CASK: variants seen among roughly 807,000 people sequenced by gnomAD.
CASK encodes the protein peripheral plasma membrane protein CASK.
Under a neutral mutation model 82.9 loss-of-function variants are expected in CASK, and 4 were observed. The observed-to-expected ratio is 0.05, with a 90% CI of 0.02 to 0.11. The LOEUF is 0.11. CASK is among the 10% of genes least tolerant of loss of function. CASK has a pLI of 1.00. For missense variants in CASK, 358 were observed against 720.9 expected, an observed-to-expected ratio of 0.50 and a Z score of 5.76; for synonymous variants, 259 against 253.5, an observed-to-expected ratio of 1.02 and a Z score of -0.20.
At chrX:41,640,767 TG>T (rs1480880913) in intron 8 of CASK, among the ~76,000 whole-genome samples, 1 of 111,506 alleles carries the variant, frequency 9.0e-6, no homozygotes, top group African/African-American at 3.3e-5. Flanking sequence ...ATTGCAAATA[TG>T]TTTAAGTTTA....
intron 5 of CASK, among the ~76,000 whole-genome samples, chrX:41,705,174 T>G (rs766458024): frequency 8.9e-6 from 1 of 112,038 alleles, no homozygotes; most frequent in African/African-American, 3.2e-5. Context: ...AGGTAACAGA[T>G]CCATTGTATT....
At chrX:41,918,498 T>C (rs1260998583) in intron 1 of CASK, among the ~76,000 whole-genome samples, 1 of 112,299 alleles carries the variant, frequency 8.9e-6, no homozygotes, top group East Asian at 2.8e-4. Context: ...GCCATTATAG[T>C]GGAAAACCAT....
chrX:41,843,378 T>A (rs1234187684), intron 2 of CASK, among the ~76,000 whole-genome samples: 1 of 111,638 alleles, frequency 9.0e-6, no homozygotes, highest in Non-Finnish European at 1.9e-5. Flanking sequence ...TGAAAGGGGG[T>A]TGAATTTTGT....
intron 15 of CASK, among the ~76,000 whole-genome samples, chrX:41,575,384 T>C (rs1317360922): frequency 8.9e-6 from 1 of 111,767 alleles, no homozygotes; most frequent in Non-Finnish European, 1.9e-5. Flanking sequence ...ATAGCTTGGG[T>C]TAGGTGCCTA....
At chrX:41,610,078 C>G in intron 11 of CASK, 53 bp from the exon 12 acceptor site, 1 of 1,160,956 alleles carries the variant, frequency 8.6e-7, no homozygotes, top group African/African-American at 1.8e-5. Flanking sequence ...CAATGTCAAA[C>G]TAACTTTTTA....
In CASK at chrX:41,651,393, CAAAG is replaced by C. The variant is rs775224863; in HGVS notation, c.831+9042_831+9045del. Among the ~76,000 whole-genome samples the C allele has an allele frequency of 6.1e-4, 68 of 111,471 alleles. No homozygotes were observed. The South Asian group carries it at 0.024, about 40-fold the overall frequency. ...CAAACAAATAAAAAACAAAACAAAACAAAGAAAGTATCTAAAAATTGTTCACTAC... is the reference window on the plus strand; with the variant it reads ...CAAACAAATAAAAAACAAAACAAAACAAAGTATCTAAAAATTGTTCACTAC... On this transcript the variant is annotated intron_variant, in intron 8 of 26. Coordinates refer to ENST00000378163, the MANE Select transcript of CASK (RefSeq NM_001367721.1).
intron 1 of CASK, among the ~76,000 whole-genome samples, chrX:41,883,004 G>T (rs984510462): frequency 9.0e-6 from 1 of 111,712 alleles, no homozygotes; most frequent in Non-Finnish European, 1.9e-5. Context: ...GAAAAGAAAA[G>T]ACTTTAAGGA....
intron 1 of CASK, among the ~76,000 whole-genome samples, chrX:41,866,069 G>C (rs1450351699): frequency 2.7e-5 from 3 of 112,645 alleles, no homozygotes; most frequent in Non-Finnish European, 5.6e-5. Flanking sequence ...CTTTGCTGTT[G>C]CTGCTGCTGT....
intron 1 of CASK, among the ~76,000 whole-genome samples, chrX:41,891,539 C>T (rs1820447940): frequency 9.0e-6 from 1 of 111,667 alleles, no homozygotes; most frequent in South Asian, 3.7e-4. Flanking sequence ...GGATTAGCTA[C>T]TTAATGTATA....
Position 41,882,743 on chromosome X carries a change from A to G in CASK, c.60-29516T>C, listed in dbSNP as rs562118810. On this transcript the variant is annotated intron_variant, in intron 1 of 26. Transcript: ENST00000378163. ...GAAATAGGAAAATGGCTGGCACAAT[A>G]TATATTAACAGGATCACACAGAGAT... Among the ~76,000 whole-genome samples the G allele has an allele frequency of 1.2e-4, 13 of 111,187 alleles. No homozygotes were observed. The South Asian group carries it at 5.0e-3, about 42-fold the overall frequency.
chrX:41,606,619 G>A (rs1263036536), intron 12 of CASK, among the ~76,000 whole-genome samples: 1 of 111,275 alleles, frequency 9.0e-6, no homozygotes, highest in Non-Finnish European at 1.9e-5. Flanking sequence ...TATTGTCCAG[G>A]GCTCGGCCTC....
intron 8 of CASK, among the ~76,000 whole-genome samples, chrX:41,653,848 C>A (rs1406617223): frequency 2.7e-5 from 3 of 112,121 alleles, no homozygotes; most frequent in Non-Finnish European, 5.6e-5. Flanking sequence ...GATGCAGGAC[C>A]CACAGCTCAC....
chrX:41,666,838 C>G (rs1042549903), intron 6 of CASK, among the ~76,000 whole-genome samples: 9 of 110,887 alleles, frequency 8.1e-5, no homozygotes, highest in African/African-American at 3.0e-4. Flanking sequence ...TCAAGTAACA[C>G]GAAGAAGCTG....
chrX:41,703,238 T>C (rs1324569963), intron 5 of CASK, among the ~76,000 whole-genome samples: 2 of 112,116 alleles, frequency 1.8e-5, no homozygotes, highest in Non-Finnish European at 3.8e-5. Context: ...ATCACCCCAA[T>C]TGAAAAGATG....
chrX:41,856,286 A>G (rs1027798394), intron 1 of CASK, among the ~76,000 whole-genome samples: 3 of 111,721 alleles, frequency 2.7e-5, no homozygotes, highest in African/African-American at 9.8e-5. Context: ...TTGGGAGTAC[A>G]AGAGAGGAGA....
chrX:41,554,396 A>G (rs961266526), intron 20 of CASK, among the ~76,000 whole-genome samples: 1 of 112,188 alleles, frequency 8.9e-6, no homozygotes, highest in Admixed American at 9.4e-5. Flanking sequence ...ATCTTGCTGT[A>G]GAATGCTTAT....
At chrX:41,727,024 T>A in intron 5 of CASK, 2 of 1,083,156 alleles carry the variant, frequency 1.8e-6, no homozygotes, top group Admixed American at 3.0e-5. Context: ...AAACCTGACA[T>A]AAATGAACAA....
chrX:41,786,279 A>G (rs1429825940), intron 3 of CASK, among the ~76,000 whole-genome samples: 1 of 111,309 alleles, frequency 9.0e-6, no homozygotes, highest in East Asian at 2.8e-4. Flanking sequence ...ATTTTGGGGC[A>G]TTTTGTTATG....
At chrX:41,693,821 T>C (rs986637135) in intron 5 of CASK, among the ~76,000 whole-genome samples, 7 of 111,512 alleles carry the variant, frequency 6.3e-5, no homozygotes, top group Admixed American at 5.7e-4. Context: ...ATTACATAAC[T>C]TCCTCTTCAC....
Sources: allele counts gnomAD v4.1 joint callset (sites outside exome capture counted in the v4.1 genomes callset), GRCh38; gene constraint gnomAD v4.1.1; transcripts MANE v1.5; gene names NCBI Gene and HGNC (gene_info 2026-07-23, HGNC 2026-07-21).